Variants in YTHDC2 observed in about 807,000 individuals in gnomAD.
The protein encoded by YTHDC2 is YTH N6-methyladenosine RNA binding protein C2, also known as 3'-5' RNA helicase YTHDC2.
A neutral mutation model predicts 174.9 loss-of-function variants in YTHDC2; 45 were observed. The observed-to-expected ratio is 0.26, with a 90% CI of 0.20 to 0.33. The LOEUF (loss-of-function observed/expected upper bound fraction) is 0.33. Ranked by LOEUF, YTHDC2 falls within the 10% of genes least tolerant of loss-of-function variation. The pLI is 1.00. For synonymous variants in YTHDC2, 657 were observed against 574.5 expected, an observed-to-expected ratio of 1.14 and a Z score of -2.05; for missense variants, 1,650 against 1,723.7, an observed-to-expected ratio of 0.96 and a Z score of 0.76.
chr5:113,524,875 G>T (rs958132179), intron 2 of YTHDC2, 106 bp from the exon 3 acceptor site: 87 of 850,316 alleles, frequency 1.0e-4, no homozygotes, highest in Middle Eastern at 3.8e-4. Context: ...AAAGCATTTT[G>T]ATTTTTTTCA....
intron 24 of YTHDC2, among the ~76,000 whole-genome samples, chr5:113,580,491 C>T (rs1028353686): frequency 6.6e-6 from 1 of 152,126 alleles, no homozygotes; most frequent in Admixed American, 6.6e-5. Context: ...GATTCTATCT[C>T]TACTGTCCAA....
chr5:113,580,517 A>G (rs1323794970), intron 24 of YTHDC2, among the ~76,000 whole-genome samples: 1 of 152,086 alleles, frequency 6.6e-6, no homozygotes, highest in Non-Finnish European at 1.5e-5. Context: ...TTCTCTATAC[A>G]TTTTTGGGAG....
chr5:113,581,739 T>G, intron 25 of YTHDC2, 30 bp downstream of exon 25: 1 of 1,432,752 alleles, frequency 7.0e-7, no homozygotes, highest in Non-Finnish European at 9.2e-7. Flanking sequence ...CCAAAATGGG[T>G]CACTTTTTAT....
chr5:113,524,532 G>A (rs1774083940), intron 2 of YTHDC2, among the ~76,000 whole-genome samples: 1 of 152,056 alleles, frequency 6.6e-6, no homozygotes, highest in Non-Finnish European at 1.5e-5. Flanking sequence ...TCATGGGAGT[G>A]TCTCATTACC....
chr5:113,552,603 T>C (rs1422148423), intron 12 of YTHDC2, among the ~76,000 whole-genome samples: 1 of 152,162 alleles, frequency 6.6e-6, no homozygotes, highest in Non-Finnish European at 1.5e-5. Flanking sequence ...TGACTATGAA[T>C]AATACTGGTA....
chr5:113,546,031 C>T (rs556505346), intron 10 of YTHDC2, among the ~76,000 whole-genome samples: 25,802 of 96,720 alleles, frequency 0.27, 4,736 homozygotes, highest in African/African-American at 0.52. Context: ...TGAGCCACCG[C>T]GCCCGGCCTG....
intron 7 of YTHDC2, among the ~76,000 whole-genome samples, chr5:113,538,230 A>G (rs1309197221): frequency 6.6e-6 from 1 of 152,182 alleles, no homozygotes; most frequent in African/African-American, 2.4e-5. Context: ...AGTAGCTGCT[A>G]CTTGGCTTGA....
chr5:113,587,920 G>A (rs1019657834), intron 26 of YTHDC2, among the ~76,000 whole-genome samples: 1 of 151,952 alleles, frequency 6.6e-6, no homozygotes, highest in East Asian at 1.9e-4. Context: ...TATTTGGATA[G>A]TCTTTAATTT....
At chr5:113,554,082 A>G in intron 16 of YTHDC2, 60 bp downstream of exon 16, 1 of 1,323,632 alleles carries the variant, frequency 7.6e-7, no homozygotes, top group Non-Finnish European at 1.0e-6. Context: ...TACTTCAACA[A>G]ATACTTTTAT....
intron 7 of YTHDC2, among the ~76,000 whole-genome samples, chr5:113,536,211 T>G (rs1775059755): frequency 1.3e-5 from 2 of 152,194 alleles, no homozygotes. Context: ...TTTAAAAAAA[T>G]GATAAATTCC....
chr5:113,546,206 C>G (rs1775878037), intron 10 of YTHDC2, among the ~76,000 whole-genome samples: 1 of 152,166 alleles, frequency 6.6e-6, no homozygotes, highest in African/African-American at 2.4e-5. Context: ...AAAACAGTGA[C>G]TTTAAAATAT....
intron 12 of YTHDC2, 116 bp from the exon 13 acceptor site, chr5:113,553,065 G>A: frequency 2.0e-6 from 2 of 978,262 alleles, no homozygotes; most frequent in South Asian, 2.1e-5. Flanking sequence ...TTATAGCTAG[G>A]ACATTAAGTG....
chr5:113,535,317 A>C (rs1774979095), intron 6 of YTHDC2, among the ~76,000 whole-genome samples: 1 of 152,172 alleles, frequency 6.6e-6, no homozygotes, highest in Non-Finnish European at 1.5e-5. Context: ...AGTATATGGA[A>C]GGATTTGCAT....
At chr5:113,528,756 G>T (rs112024165) in intron 4 of YTHDC2, among the ~76,000 whole-genome samples, 2 of 152,252 alleles carry the variant, frequency 1.3e-5, no homozygotes, top group African/African-American at 2.4e-5. Flanking sequence ...CGATCCACCT[G>T]CCTTGGCCTC....
intron 18 of YTHDC2, among the ~76,000 whole-genome samples, chr5:113,562,639 T>A (rs894688831): frequency 1.3e-5 from 2 of 152,178 alleles, no homozygotes; most frequent in Non-Finnish European, 2.9e-5. Flanking sequence ...CACGTCTTTT[T>A]TCCTTCTGCC....
intron 25 of YTHDC2, 63 bp from the exon 26 acceptor site, chr5:113,584,239 T>C (rs1778550579): frequency 7.1e-7 from 1 of 1,413,506 alleles, no homozygotes; most frequent in African/African-American, 1.4e-5. Flanking sequence ...AACTTATACA[T>C]AACTGATCTT....
chr5:113,551,993 A>G (rs1206650948), intron 12 of YTHDC2, among the ~76,000 whole-genome samples: 1 of 152,154 alleles, frequency 6.6e-6, no homozygotes, highest in Non-Finnish European at 1.5e-5. Context: ...GGAAAATAGC[A>G]TAATCAACTT....
chr5:113,518,259 T>C (rs1773616879), intron 2 of YTHDC2, among the ~76,000 whole-genome samples: 1 of 150,206 alleles, frequency 6.7e-6, no homozygotes. Context: ...AGTGGAATGA[T>C]GACGGCTCGC....
At position 113,535,717 on chromosome 5, in the gene YTHDC2, A is replaced by C; in HGVS notation, c.1021A>C (p.Thr341Pro). The C allele has an allele frequency of 6.2e-7, 1 of 1,613,792 alleles. No homozygotes were observed. The stretch of plus-strand genomic sequence containing the variant: ...AAGAGATTTGTTGCAAAAGCACCCA[A>C]CTTTGAAACTAATTCTTTCTAGTGC... ...KLRDLLQKHPTLKLILSSAAL... is the reference protein window; with the variant it reads ...KLRDLLQKHPPLKLILSSAAL... The change falls in exon 7 of 30, where the codon ACT (threonine) becomes CCT (proline). Residue 341 changes from threonine to proline, a missense_variant. By Grantham distance (38) the Thr-to-Pro change is conservative. Transcript: ENST00000161863.
Sources: allele counts gnomAD v4.1 joint callset (sites outside exome capture counted in the v4.1 genomes callset), GRCh38; gene constraint gnomAD v4.1.1; transcripts MANE v1.5; gene names NCBI Gene and HGNC (gene_info 2026-07-23, HGNC 2026-07-21).